Variants in PTPRT observed in about 807,000 individuals in gnomAD.
PTPRT encodes receptor-type tyrosine-protein phosphatase T.
Under a neutral mutation model 176.8 loss-of-function variants are expected in PTPRT, and 56 were observed. The observed-to-expected ratio is 0.32, with a 90% confidence interval of 0.26 to 0.40. The LOEUF is 0.40. Among genes scored for constraint, PTPRT ranks in the 10% least tolerant of loss-of-function variants. The pLI is 1.00. For missense variants in PTPRT, 1,540 were observed against 1,908.2 expected (o/e 0.81, Z 3.60); for synonymous variants, 783 against 739.0 (o/e 1.06, Z -0.96).
Position 42,718,642 on chromosome 20 carries a change from C to G in PTPRT, c.859+37820G>C, listed in dbSNP as rs186898820. On this transcript the variant is annotated intron_variant, in intron 6 of 30. Transcript: ENST00000373187. ...AGCCAAAAAATATATAATTTATGCT[C>G]TTATTTATATAAAATTCAAAAACAG... is the stretch of plus-strand genomic sequence containing the variant. 5.9e-5 allele frequency among the ~76,000 whole-genome samples: 9 copies of G among 152,226 alleles called. No homozygotes were observed. In the East Asian group the frequency reaches 1.7e-3, roughly 29 times the overall value.
Position 42,755,485 on chromosome 20 carries a change from G to A in PTPRT, c.859+977C>T, listed in dbSNP as rs181100295. On this transcript the variant is annotated intron_variant, in intron 6 of 30. Transcript: ENST00000373187. ...TTCATTATTTCATTCACTAAATTAT[G>A]CTATATTAAAATTTTAATCGGCAAA... Among the ~76,000 whole-genome samples the A allele has an allele frequency of 5.9e-5, 9 of 151,918 alleles. No homozygotes were observed. The East Asian group carries it at 1.7e-3, about 29-fold the overall frequency.
At chr20:42,033,873 T>C in the PTPRT span, among the ~76,000 whole-genome samples, 1 of 152,212 alleles carries the variant, frequency 6.6e-6, no homozygotes, top group Non-Finnish European at 1.5e-5. Flanking sequence ...CATTTTTTCT[T>C]ACCTTTCTCT....
the PTPRT span, among the ~76,000 whole-genome samples, chr20:42,040,629 A>T: frequency 6.6e-6 from 1 of 152,214 alleles, no homozygotes; most frequent in South Asian, 2.1e-4. Context: ...AAAACAGTGT[A>T]AATTGAGAGC....
intron 2 of PTPRT, among the ~76,000 whole-genome samples, chr20:42,855,370 T>G (rs2078543140): frequency 6.6e-6 from 1 of 150,872 alleles, no homozygotes; most frequent in Admixed American, 6.6e-5. Context: ...CCCAACCTCA[T>G]GCTATAGGTT....
At chr20:42,111,948 A>T (rs1975218639) in intron 22 of PTPRT, among the ~76,000 whole-genome samples, 1 of 152,100 alleles carries the variant, frequency 6.6e-6, no homozygotes, top group South Asian at 2.1e-4. Context: ...GAGAATCACT[A>T]GCAACCCAGG....
At chr20:42,461,723 GT>G (rs1222899752) in intron 8 of PTPRT, among the ~76,000 whole-genome samples, 1 of 152,186 alleles carries the variant, frequency 6.6e-6, no homozygotes, top group Non-Finnish European at 1.5e-5. Flanking sequence ...TGACTTGAAG[GT>G]CATAGGTGAT....
At chr20:42,279,217 G>A (rs1412619460) in intron 13 of PTPRT, among the ~76,000 whole-genome samples, 1 of 151,992 alleles carries the variant, frequency 6.6e-6, no homozygotes, top group Admixed American at 6.6e-5. Context: ...ATGTCTTTTA[G>A]CTTTTATATT....
intron 17 of PTPRT, among the ~76,000 whole-genome samples, chr20:42,154,165 A>G (rs1366516535): frequency 6.6e-6 from 1 of 152,152 alleles, no homozygotes; most frequent in Non-Finnish European, 1.5e-5. Flanking sequence ...CCCTCCCTAG[A>G]ACCATGCTCA....
chr20:42,240,793 G>A (rs776287288), intron 14 of PTPRT, among the ~76,000 whole-genome samples: 1 of 151,790 alleles, frequency 6.6e-6, no homozygotes, highest in Admixed American at 6.6e-5. Context: ...CTTCTCAAAG[G>A]CCTACTATAT....
chr20:42,445,345 A>T (rs1026798492), intron 9 of PTPRT, among the ~76,000 whole-genome samples: 5 of 152,210 alleles, frequency 3.3e-5, no homozygotes, highest in African/African-American at 1.2e-4. Context: ...TAATCCTATA[A>T]GGCCATTTTA....
chr20:42,955,507 G>A lies in PTPRT; in HGVS notation c.89-69575C>T, dbSNP rs117634718. Among the ~76,000 whole-genome samples, 190 of 152,236 alleles carry A rather than the reference G, an allele frequency of 1.2e-3. 1 individual carries two copies. Among genetic ancestry groups the A allele is most frequent in the East Asian group, 9.5e-3 (49 of 5,174 alleles). On this transcript the variant is annotated intron_variant, in intron 1 of 30. Coordinates refer to ENST00000373187, the MANE Select transcript of PTPRT (RefSeq NM_007050.6). ...CATGCCTGAGGCCTCCCAAGAATAA[G>A]CCTCAATTGCCATGACTGAGGGGCA... is the stretch of plus-strand genomic sequence containing the variant.
At chr20:42,284,766 C>A (rs1190672410) in intron 12 of PTPRT, among the ~76,000 whole-genome samples, 1 of 151,742 alleles carries the variant, frequency 6.6e-6, no homozygotes, top group Non-Finnish European at 1.5e-5. Flanking sequence ...GTGTTTTCTT[C>A]TTCATAAAAA....
At chr20:43,027,551 C>CAG (rs757936526) in intron 1 of PTPRT, among the ~76,000 whole-genome samples, 2 of 151,528 alleles carry the variant, frequency 1.3e-5, no homozygotes, top group South Asian at 2.1e-4. Flanking sequence ...GAAATTTGGA[C>CAG]AGAGAGAGAG....
At chr20:42,501,231 T>C (rs184100134) in intron 7 of PTPRT, among the ~76,000 whole-genome samples, 1 of 152,196 alleles carries the variant, frequency 6.6e-6, no homozygotes, top group Non-Finnish European at 1.5e-5. Flanking sequence ...GTGTCATTTG[T>C]TCAACCTTAG....
At chr20:42,680,794 T>C (rs1335416576) in intron 6 of PTPRT, among the ~76,000 whole-genome samples, 1 of 152,226 alleles carries the variant, frequency 6.6e-6, no homozygotes, top group East Asian at 1.9e-4. Context: ...TTCCAAATGG[T>C]TAGCTTCTTT....
chr20:42,977,851 C>A (rs1983038607), intron 1 of PTPRT, among the ~76,000 whole-genome samples: 1 of 152,146 alleles, frequency 6.6e-6, no homozygotes, highest in Non-Finnish European at 1.5e-5. Flanking sequence ...TTTATATTAC[C>A]TTTTATGTGC....
chr20:42,503,944 G>A (rs896170950), intron 7 of PTPRT, among the ~76,000 whole-genome samples: 1 of 151,936 alleles, frequency 6.6e-6, no homozygotes, highest in African/African-American at 2.4e-5. Flanking sequence ...CACCTTATGA[G>A]GGAATCCTAC....
chr20:42,242,180 A>C (rs746824567), intron 14 of PTPRT, among the ~76,000 whole-genome samples: 3 of 152,170 alleles, frequency 2.0e-5, no homozygotes, highest in Non-Finnish European at 2.9e-5. Context: ...TGTCTTCCAC[A>C]TACTGCCTCC....
the PTPRT span, among the ~76,000 whole-genome samples, chr20:42,034,423 G>A: frequency 3.9e-5 from 6 of 152,108 alleles, no homozygotes; most frequent in African/African-American, 4.8e-5. Context: ...AAGGGGAGAG[G>A]GAGACTATTA....
Sources: allele counts gnomAD v4.1 joint callset (sites outside exome capture counted in the v4.1 genomes callset), GRCh38; gene constraint gnomAD v4.1.1; transcripts MANE v1.5; gene names NCBI Gene and HGNC (gene_info 2026-07-23, HGNC 2026-07-21).